Variants in HCN1 observed in about 807,000 individuals in gnomAD.
HCN1 encodes potassium/sodium hyperpolarization-activated cyclic nucleotide-gated channel 1.
A neutral mutation model predicts 78.9 loss-of-function variants in HCN1; 13 were observed. The ratio of observed to expected loss-of-function variants is 0.16; its 90% CI spans 0.11 to 0.26. HCN1 has a LOEUF of 0.26. Among genes scored for constraint, HCN1 ranks in the 10% least tolerant of loss-of-function variants. The pLI is 1.00. For missense variants in HCN1, 810 were observed against 1,154.3 expected, an observed-to-expected ratio of 0.70 and a Z score of 4.32; for synonymous variants, 552 against 455.5, an observed-to-expected ratio of 1.21 and a Z score of -2.70.
chr5:45,612,836 C>T (rs1744864833), intron 2 of HCN1, among the ~76,000 whole-genome samples: 2 of 152,036 alleles, frequency 1.3e-5, no homozygotes, highest in South Asian at 4.1e-4. Context: ...CTTAGCTCTC[C>T]CAATTATTGT....
rs573441404 is a variant in HCN1, at chr5:45,366,471, C to T, written c.1231-13225G>A. Among the ~76,000 whole-genome samples the T allele has an allele frequency of 4.0e-5, 6 of 151,742 alleles. No homozygotes were observed. In the East Asian group the frequency reaches 9.7e-4, roughly 24 times the overall value. On this transcript the variant is annotated intron_variant, in intron 4 of 7. Transcript: ENST00000303230. ...AAAACAGTAATAGCTTAAAACAGGA[C>T]ATTGTTTAAATATCACTAATCTTCT...
intron 1 of HCN1, among the ~76,000 whole-genome samples, chr5:45,654,487 T>A (rs1034130167): frequency 1.3e-4 from 20 of 152,174 alleles, no homozygotes; most frequent in Non-Finnish European, 1.5e-5. Flanking sequence ...TCTTGACAAT[T>A]TATTCCTTTA....
intron 2 of HCN1, among the ~76,000 whole-genome samples, chr5:45,524,932 T>C (rs1489999597): frequency 1.3e-5 from 2 of 152,144 alleles, no homozygotes; most frequent in Admixed American, 6.6e-5. Flanking sequence ...CTCTGTCTTG[T>C]GGTAGTTTTC....
chr5:45,589,671 TC>T lies in HCN1; in HGVS notation c.849+55513del, dbSNP rs373730113. Reference sequence around the variant, plus strand: ...GTCCTATATGTGCTTTCTAGAGAGTTCTATAATTCCATGTGAATGGCAATAC... The same window carrying T: ...GTCCTATATGTGCTTTCTAGAGAGTTTATAATTCCATGTGAATGGCAATAC... On this transcript the variant is annotated intron_variant, in intron 2 of 7. Coordinates refer to ENST00000303230, the MANE Select transcript of HCN1 (RefSeq NM_021072.4). Among the ~76,000 whole-genome samples the T allele has an allele frequency of 2.6e-3, 389 of 152,332 alleles. 6 individuals are homozygous for T. The highest frequency in any genetic ancestry group is 8.8e-3 in the African/African-American group (366 of 41,586).
chr5:45,330,640 A>G, intron 5 of HCN1, among the ~76,000 whole-genome samples: 1 of 150,932 alleles, frequency 6.6e-6, no homozygotes, highest in Non-Finnish European at 1.5e-5. Flanking sequence ...ACAAACAATA[A>G]TGTATCATGT....
At chr5:45,499,572 G>A (rs999732085) in intron 2 of HCN1, among the ~76,000 whole-genome samples, 4 of 152,182 alleles carry the variant, frequency 2.6e-5, no homozygotes, top group East Asian at 3.9e-4. Flanking sequence ...GCTGGGAGCT[G>A]TAGACTGGAG....
At chr5:45,537,523 CTTTTTTTTTTTTTTTTTTTT>C (rs71000638) in intron 2 of HCN1, among the ~76,000 whole-genome samples, 1 of 25,746 alleles carries the variant, frequency 3.9e-5, no homozygotes, top group Non-Finnish European at 6.5e-5. Flanking sequence ...AACTCTAAGT[CTTTTTTTTTTTTTTTTTTTT>C]TTTTTTTTTT....
chr5:45,453,507 T>C (rs761740458), intron 3 of HCN1, among the ~76,000 whole-genome samples: 3 of 152,126 alleles, frequency 2.0e-5, no homozygotes, highest in Non-Finnish European at 4.4e-5. Context: ...TCATATACAT[T>C]CTGAGCTCTT....
At chr5:45,325,718 A>G (rs1158283655) in intron 5 of HCN1, among the ~76,000 whole-genome samples, 11 of 151,726 alleles carry the variant, frequency 7.2e-5, no homozygotes, top group Non-Finnish European at 1.2e-4. Context: ...GAATTAAAAA[A>G]TCTTTTGAAC....
At chr5:45,314,233 C>T (rs969142631) in intron 5 of HCN1, among the ~76,000 whole-genome samples, 41 of 152,140 alleles carry the variant, frequency 2.7e-4, no homozygotes, top group African/African-American at 9.9e-4. Flanking sequence ...AAAGAATTTT[C>T]AACCCAGAAT....
chr5:45,588,976 T>C (rs879892464), intron 2 of HCN1, among the ~76,000 whole-genome samples: 2 of 152,194 alleles, frequency 1.3e-5, no homozygotes, highest in Non-Finnish European at 2.9e-5. Context: ...TTTGTTTTGT[T>C]TTATTTTATT....
rs529198401 is a variant in HCN1 at position 45,625,345 on chromosome 5, T to C, written c.849+19840A>G. On this transcript the variant is annotated intron_variant, in intron 2 of 7. Coordinates refer to ENST00000303230, the MANE Select transcript of HCN1 (RefSeq NM_021072.4). ...AACAAAACAAAAAAAACTATTAATC[T>C]TCATGTACAATATGTACAATTAGTG... 1.5e-3 allele frequency among the ~76,000 whole-genome samples: 232 copies of C among 152,142 alleles called. 1 individual carries two copies. Among genetic ancestry groups the C allele is most frequent in the African/African-American group, 5.4e-3 (224 of 41,534 alleles).
chr5:45,636,686 A>G (rs1041555651), intron 2 of HCN1, among the ~76,000 whole-genome samples: 11 of 152,182 alleles, frequency 7.2e-5, no homozygotes, highest in African/African-American at 2.6e-4. Context: ...TGTCTGTACA[A>G]AAGAAAAATT....
intron 2 of HCN1, among the ~76,000 whole-genome samples, chr5:45,537,731 T>C (rs1053842868): frequency 6.6e-6 from 1 of 151,750 alleles, no homozygotes; most frequent in African/African-American, 2.4e-5. Context: ...TTTTATTCAC[T>C]CTGTTACCTT....
intron 4 of HCN1, among the ~76,000 whole-genome samples, chr5:45,376,225 T>G (rs370980203): frequency 0.068 from 257 of 3,792 alleles, no homozygotes; most frequent in African/African-American, 0.21. Flanking sequence ...ACATTATATA[T>G]AATATATATT....
chr5:45,381,351 A>T (rs1030335130), intron 4 of HCN1, among the ~76,000 whole-genome samples: 4 of 152,112 alleles, frequency 2.6e-5, no homozygotes, highest in African/African-American at 9.7e-5. Flanking sequence ...ATCATTATGG[A>T]TACATCAGGG....
intron 4 of HCN1, among the ~76,000 whole-genome samples, chr5:45,381,167 T>C (rs1747800755): frequency 1.3e-5 from 2 of 152,176 alleles, no homozygotes; most frequent in Admixed American, 1.3e-4. Flanking sequence ...TAAGGTATAT[T>C]AAGGTGTATA....
rs868481110 is a variant in HCN1, at chr5:45,531,283, T to C, written c.850-69276A>G. Among the ~76,000 whole-genome samples, 21 of 152,312 alleles carry C rather than the reference T, an allele frequency of 1.4e-4. No individual in the cohort carries two copies. The Middle Eastern group carries it at 0.01, about 74-fold the overall frequency. On this transcript the variant is annotated intron_variant, in intron 2 of 7. Coordinates refer to ENST00000303230, the MANE Select transcript of HCN1 (RefSeq NM_021072.4). ...CTTCTTAAATGTTTCTCTAATTTGTTCTGTTCTTTTCTCATATCTCCTTCT... is the reference window on the plus strand; with the variant it reads ...CTTCTTAAATGTTTCTCTAATTTGTCCTGTTCTTTTCTCATATCTCCTTCT...
chr5:45,434,853 A>G (rs183436701), intron 3 of HCN1, among the ~76,000 whole-genome samples: 2 of 152,260 alleles, frequency 1.3e-5, no homozygotes, highest in African/African-American at 4.8e-5. Flanking sequence ...GTGAAGTTCT[A>G]TTTTCATAAC....
Sources: allele counts gnomAD v4.1 joint callset (sites outside exome capture counted in the v4.1 genomes callset), GRCh38; gene constraint gnomAD v4.1.1; transcripts MANE v1.5; gene names NCBI Gene and HGNC (gene_info 2026-07-23, HGNC 2026-07-21).